Variants in DPP6 observed in about 807,000 individuals in gnomAD.
DPP6 encodes the protein dipeptidyl peptidase like 6.
In DPP6, 69 loss-of-function variants were observed where a neutral mutation model predicts 122.6. The ratio of observed to expected loss-of-function variants is 0.56; its 90% CI spans 0.46 to 0.69. The LOEUF (loss-of-function observed/expected upper bound fraction) is 0.69. Among genes scored for constraint, DPP6 ranks in the 30% least tolerant of loss-of-function variants. The probability of loss-of-function intolerance (pLI) is 0.00; values close to 1 mark genes in which losing one functional copy is unlikely to be tolerated. For missense variants in DPP6, 928 were observed against 1,116.9 expected, an observed-to-expected ratio of 0.83 and a Z score of 2.41; for synonymous variants, 418 against 433.1, an observed-to-expected ratio of 0.97 and a Z score of 0.43.
intron 7 of DPP6, among the ~76,000 whole-genome samples, chr7:154,701,727 C>T (rs1376941254): frequency 2.0e-5 from 3 of 152,214 alleles, no homozygotes; most frequent in Non-Finnish European, 4.4e-5. Context: ...GCATCGGGCT[C>T]TACCTTCATT....
chr7:154,665,751 G>T (rs1176484529), intron 6 of DPP6, among the ~76,000 whole-genome samples: 1 of 151,824 alleles, frequency 6.6e-6, no homozygotes, highest in Non-Finnish European at 1.5e-5. Context: ...TCTATATTTT[G>T]GATCTATCTG....
chr7:154,006,766 G>A (rs1381311864), intron 1 of DPP6, among the ~76,000 whole-genome samples: 1 of 152,230 alleles, frequency 6.6e-6, no homozygotes, highest in African/African-American at 2.4e-5. Context: ...AAGACTATCT[G>A]CACGCAGGAA....
chr7:153,889,655 A>G (rs1262819305), intron 1 of DPP6, among the ~76,000 whole-genome samples: 1 of 152,218 alleles, frequency 6.6e-6, no homozygotes, highest in Non-Finnish European at 1.5e-5. Flanking sequence ...AGGATTGCTA[A>G]TTACATTTCT....
chr7:153,993,336 T>C (rs1797274183), intron 1 of DPP6, among the ~76,000 whole-genome samples: 1 of 152,248 alleles, frequency 6.6e-6, no homozygotes, highest in Non-Finnish European at 1.5e-5. Context: ...TGTCCCCCTG[T>C]GTCTTCTTCA....
At chr7:153,778,725 C>T in the DPP6 span, among the ~76,000 whole-genome samples, 1 of 152,164 alleles carries the variant, frequency 6.6e-6, no homozygotes, top group African/African-American at 2.4e-5. Flanking sequence ...AAGCCTCATA[C>T]AGGGCTGGTG....
intron 6 of DPP6, among the ~76,000 whole-genome samples, chr7:154,649,457 C>T (rs1836725717): frequency 6.6e-6 from 1 of 152,222 alleles, no homozygotes; most frequent in South Asian, 2.1e-4. Context: ...AAGTGCCCAA[C>T]TGTCTTCCAA....
chr7:154,424,661 C>T (rs1209298702), intron 1 of DPP6, among the ~76,000 whole-genome samples: 3 of 152,212 alleles, frequency 2.0e-5, no homozygotes, highest in Non-Finnish European at 2.9e-5. Context: ...GCCCAGTTCA[C>T]GTAACGTAGC....
chr7:154,676,250 CG>C (rs1838896876), intron 7 of DPP6, among the ~76,000 whole-genome samples: 1 of 149,656 alleles, frequency 6.7e-6, no homozygotes, highest in Non-Finnish European at 1.5e-5. Flanking sequence ...ACAGGTGTTC[CG>C]GGCTGCGGCC....
chr7:154,071,645 C>T (rs1299013649), intron 1 of DPP6, among the ~76,000 whole-genome samples: 2 of 152,212 alleles, frequency 1.3e-5, no homozygotes, highest in African/African-American at 4.8e-5. Context: ...CTCGTTTCAT[C>T]CATTTCACTA....
intron 7 of DPP6, among the ~76,000 whole-genome samples, chr7:154,687,876 T>G (rs1839713339): frequency 6.6e-6 from 1 of 152,208 alleles, no homozygotes; most frequent in Admixed American, 6.5e-5. Flanking sequence ...TGCTTACAAT[T>G]ATCTTTCCCT....
chr7:154,734,876 A>C lies in DPP6; in HGVS notation c.883+6989A>C, dbSNP rs78656852. ...TATGCTCCATAAGGTCACAGAGGAAATTGAAATAAGCTAATACACATAGAG... is the reference window on the plus strand; with the variant it reads ...TATGCTCCATAAGGTCACAGAGGAACTTGAAATAAGCTAATACACATAGAG... On this transcript the variant is annotated intron_variant, in intron 8 of 25. Transcript: ENST00000377770. Among the ~76,000 whole-genome samples the C allele has an allele frequency of 3.9e-3, 599 of 152,340 alleles. 20 individuals carry two copies. In the East Asian group the frequency reaches 0.093, roughly 24 times the overall value.
chr7:154,230,559 T>C (rs4579436), intron 1 of DPP6, among the ~76,000 whole-genome samples: 131,614 of 152,206 alleles, frequency 0.86, 57,084 homozygotes, highest in African/African-American at 0.92. Flanking sequence ...GTCTTCTGGT[T>C]CAACCACCTC....
intron 3 of DPP6, among the ~76,000 whole-genome samples, chr7:154,506,224 GTTT>G: frequency 6.7e-6 from 1 of 149,790 alleles, no homozygotes; most frequent in East Asian, 1.9e-4. Flanking sequence ...TTTACACACA[GTTT>G]TTTTTTTCTC....
intron 1 of DPP6, among the ~76,000 whole-genome samples, chr7:154,335,579 T>G (rs1809341468): frequency 1.3e-5 from 2 of 152,106 alleles, no homozygotes; most frequent in African/African-American, 4.8e-5. Context: ...CGTAGTAGAT[T>G]AAGAGTACAG....
chr7:153,964,813 TTTCCTTTCC>T (rs745494745), intron 1 of DPP6, among the ~76,000 whole-genome samples: 5,641 of 55,242 alleles, frequency 0.1, 193 homozygotes, highest in East Asian at 0.34. Context: ...TTTCCTTTCC[TTTCCTTTCC>T]TTTCCTTTTC....
intron 5 of DPP6, among the ~76,000 whole-genome samples, chr7:154,577,839 A>G (rs1329226087): frequency 6.6e-6 from 1 of 152,202 alleles, no homozygotes; most frequent in Non-Finnish European, 1.5e-5. Context: ...GAGACTCAAA[A>G]GCAATTAATA....
intron 13 of DPP6, among the ~76,000 whole-genome samples, chr7:154,802,777 C>T (rs1346389225): frequency 1.4e-5 from 2 of 146,712 alleles, no homozygotes; most frequent in Admixed American, 1.4e-4. Flanking sequence ...GCGGAGGCTG[C>T]AGTAAGCTGA....
At chr7:153,782,898 G>A in the DPP6 span, among the ~76,000 whole-genome samples, 1 of 152,208 alleles carries the variant, frequency 6.6e-6, no homozygotes, top group Non-Finnish European at 1.5e-5. Context: ...CAAGAGAGCT[G>A]AGACCACTGC....
chr7:154,585,675 G>A (rs1020238797), intron 5 of DPP6, among the ~76,000 whole-genome samples: 3 of 152,204 alleles, frequency 2.0e-5, no homozygotes, highest in Non-Finnish European at 4.4e-5. Context: ...CAAATACAAT[G>A]TAAATGCTAT....
Sources: allele counts gnomAD v4.1 joint callset (sites outside exome capture counted in the v4.1 genomes callset), GRCh38; gene constraint gnomAD v4.1.1; transcripts MANE v1.5; gene names NCBI Gene and HGNC (gene_info 2026-07-23, HGNC 2026-07-21).